Variants in NEO1 observed in about 807,000 individuals in gnomAD.
NEO1 encodes neogenin.
Under a neutral mutation model 159.7 loss-of-function variants are expected in NEO1, and 63 were observed. The observed-to-expected ratio is 0.39, with a 90% CI of 0.32 to 0.49. NEO1 has a LOEUF of 0.49. Ranked by LOEUF, NEO1 falls within the 20% of genes least tolerant of loss-of-function variation. The pLI, the probability that NEO1 is intolerant of heterozygous loss-of-function variation, is 0.85. For synonymous variants in NEO1, 633 were observed against 662.0 expected (o/e 0.96, Z 0.67); for missense variants, 1,615 against 1,831.0 (o/e 0.88, Z 2.15).
At chr15:73,216,422 A>G (rs1156996427) in intron 7 of NEO1, among the ~76,000 whole-genome samples, 2 of 152,192 alleles carry the variant, frequency 1.3e-5, no homozygotes, top group African/African-American at 2.4e-5. Context: ...TAGCGGCATG[A>G]TTTATACTCC....
At position 73,073,155 on chromosome 15, in the gene NEO1, C is replaced by T. The variant is rs561096596; in HGVS notation, c.130+20350C>T. On this transcript the variant is annotated intron_variant, in intron 1 of 28. Transcript: ENST00000261908. The stretch of plus-strand genomic sequence containing the variant: ...TTGAGAAAGATGGGTTATTATAAGA[C>T]AGAGAAGTGAGCGGAGAAGTAGGAG... Among the ~76,000 whole-genome samples, 4 of 152,192 alleles carry T rather than the reference C, an allele frequency of 2.6e-5. No homozygotes were observed. In the East Asian group the frequency reaches 7.7e-4, roughly 29 times the overall value.
At position 73,302,899 on chromosome 15, in the gene NEO1, G is replaced by A. The variant is rs771716342; in HGVS notation, c.*203G>A. 14 of 532,284 alleles carry A rather than the reference G, an allele frequency of 2.6e-5. No homozygotes were observed. Among genetic ancestry groups the A allele is most frequent in the Non-Finnish European group, 4.4e-5 (13 of 296,006 alleles). 33.0% of individuals were successfully genotyped at this position (532,284 alleles called of 1,614,324 possible). A position where few individuals can be genotyped will look rare whatever the true frequency, so the allele number is the denominator to read the frequency against. On this transcript the variant is annotated 3_prime_UTR_variant, in exon 29 of 29. Coordinates refer to ENST00000261908, the MANE Select transcript of NEO1 (RefSeq NM_002499.4). ...GGTCAGCCTGGAAGAAGCCTGTGTCGAGGCAGCTTCCCTTTGCCTGCTGAT... is the reference window on the plus strand; with the variant it reads ...GGTCAGCCTGGAAGAAGCCTGTGTCAAGGCAGCTTCCCTTTGCCTGCTGAT...
intron 1 of NEO1, among the ~76,000 whole-genome samples, chr15:73,070,038 G>A (rs1423139283): frequency 6.6e-6 from 1 of 152,150 alleles, no homozygotes; most frequent in Non-Finnish European, 1.5e-5. Flanking sequence ...CAATATGTTG[G>A]CATGGGGAAA....
rs779726922 is a variant in NEO1 at position 73,301,442 on chromosome 15, G to A, written c.4287G>A (p.Leu1429=). ...AAGTGCAGGAGACCACAAGGATGTT[G>A]GAAGACTCCGAGAGTGTAAGTTCGT... ...APEVQETTRM[L]EDSESSYEPD... Residue 1429 remains leucine (L), a synonymous_variant, in exon 28 of 29, where the codon TTG becomes TTA. Transcript: ENST00000261908. 1.2e-6 allele frequency: 2 copies of A among 1,614,160 alleles called. No individual in the cohort carries two copies. The highest frequency in any genetic ancestry group is 2.2e-5 in the South Asian group (2 of 91,068).
intron 1 of NEO1, among the ~76,000 whole-genome samples, chr15:73,102,042 T>A (rs2070428873): frequency 6.6e-6 from 1 of 152,144 alleles, no homozygotes; most frequent in Non-Finnish European, 1.5e-5. Flanking sequence ...AAATGTAACA[T>A]CTCAGGCCCC....
At chr15:73,097,357 CT>C (rs34372480) in intron 1 of NEO1, among the ~76,000 whole-genome samples, 68 of 102,952 alleles carry the variant, frequency 6.6e-4, no homozygotes, top group South Asian at 3.9e-3. Context: ...GTCAGAGCCT[CT>C]TTTTTTTTTT....
intron 22 of NEO1, among the ~76,000 whole-genome samples, chr15:73,282,599 T>C (rs1230977538): frequency 6.6e-6 from 1 of 152,258 alleles, no homozygotes; most frequent in East Asian, 1.9e-4. Context: ...AAATGACTTA[T>C]AAGTGGTGCT....
At chr15:73,142,292 G>A (rs1388218699) in intron 5 of NEO1, among the ~76,000 whole-genome samples, 1 of 152,112 alleles carries the variant, frequency 6.6e-6, no homozygotes, top group African/African-American at 2.4e-5. Flanking sequence ...GCAGAAAACA[G>A]GAGATGTTGA....
chr15:73,301,593 C>A, intron 28 of NEO1, 136 bp downstream of exon 28: 1 of 1,132,066 alleles, frequency 8.8e-7, no homozygotes. Flanking sequence ...CTCATTCATT[C>A]AGTAGATACA....
chr15:73,182,596 T>G (rs2151974590), intron 7 of NEO1, among the ~76,000 whole-genome samples: 1 of 152,148 alleles, frequency 6.6e-6, no homozygotes. Context: ...GGCCTCACAA[T>G]CATGGCAGAA....
intron 7 of NEO1, among the ~76,000 whole-genome samples, chr15:73,192,185 T>C (rs1384742532): frequency 6.6e-6 from 1 of 152,048 alleles, no homozygotes; most frequent in African/African-American, 2.4e-5. Context: ...AGGGCCTTTC[T>C]GAAGTGATAT....
intron 5 of NEO1, among the ~76,000 whole-genome samples, chr15:73,173,858 G>A (rs983785697): frequency 4.6e-5 from 7 of 152,076 alleles, no homozygotes; most frequent in South Asian, 4.1e-4. Flanking sequence ...CCAGCACTTT[G>A]GGAGGCCGAG....
chr15:73,230,647 G>A (rs1283737705), intron 7 of NEO1, among the ~76,000 whole-genome samples: 6 of 152,192 alleles, frequency 3.9e-5, no homozygotes, highest in Non-Finnish European at 8.8e-5. Context: ...CTGGACTGCA[G>A]TGGTACAATT....
At chr15:73,298,182 T>C in intron 26 of NEO1, 166 bp from the exon 27 acceptor site, 3 of 791,664 alleles carry the variant, frequency 3.8e-6, no homozygotes, top group Non-Finnish European at 5.9e-6. Context: ...TGTTCGAGAC[T>C]CCATTCTTAT....
chr15:73,238,660 C>T (rs1454902135), intron 8 of NEO1, among the ~76,000 whole-genome samples: 1 of 151,434 alleles, frequency 6.6e-6, no homozygotes, highest in Non-Finnish European at 1.5e-5. Flanking sequence ...ATAGCAAATC[C>T]AGAAGCCATA....
intron 7 of NEO1, among the ~76,000 whole-genome samples, chr15:73,203,723 A>G (rs1279016564): frequency 1.3e-5 from 2 of 152,050 alleles, no homozygotes; most frequent in African/African-American, 4.8e-5. Flanking sequence ...CATTTGTACT[A>G]TAGGTATTTT....
chr15:73,081,375 A>T (rs1392033345), intron 1 of NEO1, among the ~76,000 whole-genome samples: 1 of 152,226 alleles, frequency 6.6e-6, no homozygotes, highest in Non-Finnish European at 1.5e-5. Context: ...ACAAATTTAC[A>T]GTTAAATAGA....
At chr15:73,252,165 G>A (rs2040110120) in intron 11 of NEO1, among the ~76,000 whole-genome samples, 1 of 152,222 alleles carries the variant, frequency 6.6e-6, no homozygotes, top group African/African-American at 2.4e-5. Context: ...TTGTCTTCCA[G>A]AAGCTATAGC....
chr15:73,068,225 C>CCG (rs1555421049), intron 1 of NEO1, among the ~76,000 whole-genome samples: 4 of 102,680 alleles, frequency 3.9e-5, no homozygotes, highest in African/African-American at 1.2e-4. Flanking sequence ...GTCCCCCTAC[C>CCG]CCCCCCCCTT....
Sources: gnomAD v4.1 joint callset for allele counts (sites outside exome capture counted in the v4.1 genomes callset) on GRCh38, gnomAD v4.1.1 for gene constraint, MANE v1.5 for transcripts, NCBI Gene and HGNC (gene_info 2026-07-23, HGNC 2026-07-21) for gene names.